The following C11orf42 variants were observed in gnomAD, a reference collection of about 807,000 sequenced individuals.
C11orf42 encodes chromosome 11 open reading frame 42.
In C11orf42, 24 loss-of-function variants were observed where a neutral mutation model predicts 27.9. That is an observed-to-expected ratio of 0.86 (90% confidence interval 0.62 to 1.21). C11orf42 has a LOEUF of 1.21. Among genes scored for constraint, C11orf42 ranks in the 50% most tolerant of loss-of-function variants. The pLI is 0.00. For missense variants in C11orf42, 455 were observed against 424.1 expected (o/e 1.07, Z -0.64); for synonymous variants, 187 against 180.8 (o/e 1.03, Z -0.28).
intron 1 of C11orf42, among the ~76,000 whole-genome samples, chr11:6,208,595 T>A (rs951509373): frequency 7.9e-5 from 12 of 152,080 alleles, no homozygotes; most frequent in African/African-American, 2.9e-4. Flanking sequence ...CCCAGCTAAT[T>A]TTTCTATTTT....
intron 1 of C11orf42, among the ~76,000 whole-genome samples, chr11:6,205,962 G>T (rs1299986490): frequency 6.6e-6 from 1 of 152,140 alleles, no homozygotes; most frequent in Non-Finnish European, 1.5e-5. Flanking sequence ...TGAGACAGGA[G>T]ATCAGGAAGG....
At position 6,210,286 on chromosome 11, in the gene C11orf42, G is replaced by C. The variant is rs1265414765; in HGVS notation, c.509G>C (p.Trp170Ser). The change falls in exon 2 of 3, where the codon TGG (tryptophan) becomes TCG (serine). Residue 170 changes from tryptophan (W) to serine (S), a missense_variant. Coordinates refer to ENST00000316375, the MANE Select transcript of C11orf42 (RefSeq NM_173525.3). This position sits in a 1 kb window ranked among gnomAD's most constrained non-coding sequence, Gnocchi z 4.0. ...YVIYQVFSCS[W>S]LQLGLTSTAR... ...ATCTACCAGGTCTTCTCTTGTTCCT[G>C]GCTGCAGCTGGGGCTGACGTCTACA... 4 of 1,614,214 alleles carry C rather than the reference G, an allele frequency of 2.5e-6. No homozygotes were observed. The highest frequency in any genetic ancestry group is 3.4e-6 in the Non-Finnish European group (4 of 1,180,040).
rs1327756734 is a variant in C11orf42 at position 6,210,135 on chromosome 11, C to G, written c.358C>G (p.Pro120Ala). The change falls in exon 2 of 3, where the codon CCC becomes GCC. Residue 120 changes from proline (P) to alanine (A), a missense_variant. Pro to Ala is a conservative substitution (Grantham distance 27, BLOSUM62 -1). Transcript: ENST00000316375. The surrounding 1 kb of genome is among the most constrained non-coding windows in gnomAD (Gnocchi z 4.0). ...YEETRMLDGQ[P>A]CKIRLHMGDL... ...AGAGACGCGAATGTTGGATGGACAGCCCTGCAAGATCCGCCTACATATGGG... is the reference window on the plus strand; with the variant it reads ...AGAGACGCGAATGTTGGATGGACAGGCCTGCAAGATCCGCCTACATATGGG... 1.2e-6 allele frequency: 2 copies of G among 1,614,176 alleles called. No individual in the cohort carries two copies. The highest frequency in any genetic ancestry group is 1.7e-5 in the Admixed American group (1 of 60,026).
At chr11:6,209,131 G>A (rs997313873) in intron 1 of C11orf42, among the ~76,000 whole-genome samples, 3 of 143,714 alleles carry the variant, frequency 2.1e-5, no homozygotes, top group Non-Finnish European at 3.0e-5. Flanking sequence ...AGCCGAGATC[G>A]CACCACTGTA....
chr11:6,208,209 C>CCACACACA (rs113145388), intron 1 of C11orf42, among the ~76,000 whole-genome samples: 230 of 150,356 alleles, frequency 1.5e-3, no homozygotes, highest in African/African-American at 5.4e-3. Flanking sequence ...AACAAACAAA[C>CCACACACA]CACACACACA....
rs1325313251 is a variant in C11orf42, at chr11:6,210,792, TG to T, written c.872-119del. ...ATGGAATGAGGGAGACTGGGGAGGG[TG>T]AGATGGAATGAGGAGGCCCTAGGAA... On this transcript the variant is annotated intron_variant, in intron 2 of 2. Coordinates refer to ENST00000316375, the MANE Select transcript of C11orf42 (RefSeq NM_173525.3). This position sits in a 1 kb window ranked among gnomAD's most constrained non-coding sequence, Gnocchi z 4.0. 3 of 1,381,520 alleles carry T rather than the reference TG, an allele frequency of 2.2e-6. No homozygotes were observed. Among genetic ancestry groups the T allele is most frequent in the Non-Finnish European group, 2.9e-6 (3 of 1,025,490 alleles). The allele number at this position is 1,381,520 out of a possible 1,614,324, so 85.6% of individuals were successfully genotyped here.
intron 1 of C11orf42, among the ~76,000 whole-genome samples, chr11:6,208,209 C>CCA (rs113145388): frequency 1.5e-3 from 223 of 150,352 alleles, no homozygotes; most frequent in Admixed American, 2.3e-3. Flanking sequence ...AACAAACAAA[C>CCA]CACACACACA....
intron 1 of C11orf42, among the ~76,000 whole-genome samples, chr11:6,206,924 A>G (rs1228982886): frequency 6.6e-6 from 1 of 152,228 alleles, no homozygotes. Context: ...GGATTAGGTC[A>G]CCTTTAAGTG....
Position 6,210,571 on chromosome 11 carries a change from A to G in C11orf42, c.794A>G (p.Glu265Gly). 6.2e-7 allele frequency: 1 copy of G among 1,614,044 alleles called. No individual in the cohort carries two copies. Among genetic ancestry groups the G allele is most frequent in the South Asian group, 1.1e-5 (1 of 91,062 alleles). Residue 265 changes from glutamate (E) to glycine (G), a missense_variant, in exon 2 of 3, where the codon GAA becomes GGA. By Grantham distance (98) the Glu-to-Gly change is moderately conservative. Transcript: ENST00000316375. The surrounding 1 kb of genome is among the most constrained non-coding windows in gnomAD (Gnocchi z 4.0). ...VPAPPTPPPQEGPEDKPTRFS... is the reference protein window; with the variant it reads ...VPAPPTPPPQGGPEDKPTRFS... ...GCCCCACCTACGCCACCTCCCCAGG[A>G]AGGGCCAGAGGACAAACCCACCAGA...
Position 6,210,722 on chromosome 11 carries a change from G to C in C11orf42, c.871+74G>C. 1 of 1,508,250 alleles carries C rather than the reference G, an allele frequency of 6.6e-7. No individual in the cohort carries two copies. Among genetic ancestry groups the C allele is most frequent in the Non-Finnish European group, 9.0e-7 (1 of 1,106,790 alleles). The allele number at this position is 1,508,250 out of a possible 1,614,324, so 93.4% of individuals were successfully genotyped here. A position where few individuals can be genotyped will look rare whatever the true frequency, so the allele number is the denominator to read the frequency against. Reference sequence around the variant, plus strand: ...AGGAGGGAGAAGGCATGAGAATTAAGTATGTGAGGAATCCATTACTCAGCA... The same window carrying C: ...AGGAGGGAGAAGGCATGAGAATTAACTATGTGAGGAATCCATTACTCAGCA... On this transcript the variant is annotated intron_variant, in intron 2 of 2. Transcript: ENST00000316375. This position sits in a 1 kb window ranked among gnomAD's most constrained non-coding sequence, Gnocchi z 4.0.
Position 6,210,343 on chromosome 11 carries a change from G to T in C11orf42, c.566G>T (p.Arg189Leu). 1 of 1,614,144 alleles carries T rather than the reference G, an allele frequency of 6.2e-7. No homozygotes were observed. The highest frequency in any genetic ancestry group is 8.5e-7 in the Non-Finnish European group (1 of 1,180,026). Residue 189 changes from arginine to leucine, a missense_variant, in exon 2 of 3, where the codon CGG (arginine) becomes CTG (leucine). Arg to Leu is a moderately radical substitution (Grantham distance 102). Transcript: ENST00000316375. This position sits in a 1 kb window ranked among gnomAD's most constrained non-coding sequence, Gnocchi z 4.0. ...GAGCCCCAGCTCCTCCGGCTACTTCGGTCATTACCTGTTGCCTTCTCCTGC... is the reference window on the plus strand; with the variant it reads ...GAGCCCCAGCTCCTCCGGCTACTTCTGTCATTACCTGTTGCCTTCTCCTGC... ...AREPQLLRLL[R>L]SLPVAFSCLK...
chr11:6,210,959 G>A lies in C11orf42; in HGVS notation c.919G>A (p.Gly307Arg), dbSNP rs781352733. Reference sequence around the variant, plus strand: ...CAGCCCTCCACCAGGAGCCCAGGGTGGGGGCCCCAGGGACCCCGACGGGCA... The same window carrying A: ...CAGCCCTCCACCAGGAGCCCAGGGTAGGGGCCCCAGGGACCCCGACGGGCA... ...PRSPPPGAQG[G>R]GPRDPDGHSM... The change falls in exon 3 of 3, where the codon GGG (glycine) becomes AGG (arginine). Residue 307 changes from glycine to arginine, a missense_variant. Gly to Arg is a moderately radical substitution (Grantham distance 125, BLOSUM62 -2). Transcript: ENST00000316375. The surrounding 1 kb of genome is among the most constrained non-coding windows in gnomAD (Gnocchi z 4.0). 1.2e-6 allele frequency: 2 copies of A among 1,607,396 alleles called. No homozygotes were observed. The highest frequency in any genetic ancestry group is 8.5e-7 in the Non-Finnish European group (1 of 1,177,950).
In C11orf42 at chr11:6,210,147, C is replaced by T. The variant is rs377456360; in HGVS notation, c.370C>T (p.Arg124Cys). The T allele has an allele frequency of 4.0e-5, 65 of 1,614,076 alleles. No individual in the cohort carries two copies. Among genetic ancestry groups the T allele is most frequent in the Non-Finnish European group, 5.2e-5 (61 of 1,180,050 alleles). Residue 124 changes from arginine (R) to cysteine (C), a missense_variant, in exon 2 of 3, where the codon CGC (arginine) becomes TGC (cysteine). Coordinates refer to ENST00000316375, the MANE Select transcript of C11orf42 (RefSeq NM_173525.3). This position sits in a 1 kb window ranked among gnomAD's most constrained non-coding sequence, Gnocchi z 4.0. Reference protein sequence around the residue: ...RMLDGQPCKIRLHMGDLRKKV... With the variant: ...RMLDGQPCKICLHMGDLRKKV... The stretch of plus-strand genomic sequence containing the variant: ...GTTGGATGGACAGCCCTGCAAGATC[C>T]GCCTACATATGGGTGACCTGCGCAA...
intron 1 of C11orf42, 31 bp from the exon 2 acceptor site, chr11:6,209,819 A>T: frequency 2.0e-6 from 3 of 1,537,600 alleles, no homozygotes; most frequent in Non-Finnish European, 2.6e-6. Context: ...TCTGACCCTA[A>T]GTCCCTGACC....
At chr11:6,209,158 G>A (rs1847012255) in intron 1 of C11orf42, among the ~76,000 whole-genome samples, 1 of 130,938 alleles carries the variant, frequency 7.6e-6, no homozygotes, top group Admixed American at 8.3e-5. Context: ...CCTAGGCGAC[G>A]AAGGAGAACC....
At position 6,210,532 on chromosome 11, in the gene C11orf42, C is replaced by CCCCACCT; in HGVS notation, c.756_762dup (p.Val255ProfsTer80). ...GATACAACTGAAGCTGCTGATGTGC[C>CCCCACCT]CCCACCTGTCCCAGCCCCACCTACG... On this transcript the variant is annotated frameshift_variant, in exon 2 of 3. Coordinates refer to ENST00000316375, the MANE Select transcript of C11orf42 (RefSeq NM_173525.3). LOFTEE classifies it high-confidence loss of function. This position sits in a 1 kb window ranked among gnomAD's most constrained non-coding sequence, Gnocchi z 4.0. 1 of 1,613,518 alleles carries CCCCACCT rather than the reference C, an allele frequency of 6.2e-7. No individual in the cohort carries two copies. Among genetic ancestry groups the CCCCACCT allele is most frequent in the Non-Finnish European group, 8.5e-7 (1 of 1,179,654 alleles).
chr11:6,209,078 A>G (rs1361856944), intron 1 of C11orf42, among the ~76,000 whole-genome samples: 1 of 150,954 alleles, frequency 6.6e-6, no homozygotes, highest in African/African-American at 2.4e-5. Flanking sequence ...TGGGAGGCTG[A>G]GCCAGGACAA....
chr11:6,210,679 A>G lies in C11orf42; in HGVS notation c.871+31A>G. 5.6e-6 allele frequency: 9 copies of G among 1,602,118 alleles called. No homozygotes were observed. The highest frequency in any genetic ancestry group is 7.7e-6 in the Non-Finnish European group (9 of 1,171,938). ...ACTAGGGGAAATGATGATGAGATGG[A>G]TGGGAGGGACAAAGTGAAGGAGGGA... On this transcript the variant is annotated intron_variant, in intron 2 of 2. Transcript: ENST00000316375. This position sits in a 1 kb window ranked among gnomAD's most constrained non-coding sequence, Gnocchi z 4.0.
rs115739171 is a variant in C11orf42 at position 6,207,930 on chromosome 11, G to A, written c.73-1920G>A. Among the ~76,000 whole-genome samples the A allele has an allele frequency of 4.5e-3, 688 of 152,300 alleles. 2 individuals are homozygous for A. Among genetic ancestry groups the A allele is most frequent in the African/African-American group, 0.016 (655 of 41,582 alleles). On this transcript the variant is annotated intron_variant, in intron 1 of 2. Coordinates refer to ENST00000316375, the MANE Select transcript of C11orf42 (RefSeq NM_173525.3). ...GCCATCAGTAGGGGCATAGATGTGCGAAATTTGGTCCTGGAGGTAGGGAGT... is the reference window on the plus strand; with the variant it reads ...GCCATCAGTAGGGGCATAGATGTGCAAAATTTGGTCCTGGAGGTAGGGAGT...
Sources: allele counts gnomAD v4.1 joint callset (sites outside exome capture counted in the v4.1 genomes callset), GRCh38; gene constraint gnomAD v4.1.1; non-coding constraint Gnocchi (gnomAD v3.1); transcripts MANE v1.5; gene names NCBI Gene and HGNC (gene_info 2026-07-23, HGNC 2026-07-21).